RBM4B: variants seen among roughly 807,000 people sequenced by gnomAD.
The protein encoded by RBM4B is RNA binding motif protein 4B.
Under a neutral mutation model 28.5 loss-of-function variants are expected in RBM4B, and 13 were observed. The ratio of observed to expected loss-of-function variants is 0.46; its 90% CI spans 0.30 to 0.72. The LOEUF (loss-of-function observed/expected upper bound fraction) is 0.72. RBM4B is among the 30% of genes least tolerant of loss of function. RBM4B has a pLI of 0.09. For synonymous variants in RBM4B, 167 were observed against 179.1 expected (o/e 0.93, Z 0.54); for missense variants, 387 against 477.6 (o/e 0.81, Z 1.77).
At position 66,665,181 on chromosome 11, in the gene RBM4B, T is replaced by G. The variant is rs1389633425; in HGVS notation, c.*407A>C. On this transcript the variant is annotated 3_prime_UTR_variant, in exon 4 of 4. Coordinates refer to ENST00000310046, the MANE Select transcript of RBM4B (RefSeq NM_031492.4). ...AGAAGAGTAACTTAAGTGTTAAGAG[T>G]CCAGAGCTAACAGAAGAGTAAAAGG... 2 of 206,182 alleles carry G rather than the reference T, an allele frequency of 9.7e-6. No homozygotes were observed. Among genetic ancestry groups the G allele is most frequent in the Non-Finnish European group, 2.0e-5 (2 of 101,882 alleles). 12.8% of individuals were successfully genotyped at this position (206,182 alleles called of 1,614,324 possible). A position where few individuals can be genotyped will look rare whatever the true frequency, so the allele number is the denominator to read the frequency against.
At position 66,668,695 on chromosome 11, in the gene RBM4B, T is replaced by C. The variant is rs1230323215; in HGVS notation, c.1009A>G (p.Asn337Asp). 6.2e-7 allele frequency: 1 copy of C among 1,614,032 alleles called. No homozygotes were observed. Among genetic ancestry groups the C allele is most frequent in the Non-Finnish European group, 8.5e-7 (1 of 1,180,034 alleles). ...ELSQASAATR[N>D]SLYDMARYER... ...TACCGGGCCATGTCATACAGAGAAT[T>C]CCGTGTAGCTGCGGAAGCCTGAGAT... Residue 337 changes from asparagine to aspartate, a missense_variant, in exon 3 of 4, where the codon AAT (asparagine) becomes GAT (aspartate). Physicochemically the swap from Asn to Asp is conservative, Grantham distance 23. Coordinates refer to ENST00000310046, the MANE Select transcript of RBM4B (RefSeq NM_031492.4).
At chr11:66,668,337 C>A in intron 3 of RBM4B, 1 of 345,526 alleles carries the variant, frequency 2.9e-6, no homozygotes, top group Non-Finnish European at 5.3e-6. Context: ...TTTCTGTAAC[C>A]CAAATATGCT....
intron 2 of RBM4B, among the ~76,000 whole-genome samples, chr11:66,673,987 C>G (rs1320601272): frequency 6.6e-6 from 1 of 152,110 alleles, no homozygotes; most frequent in Non-Finnish European, 1.5e-5. Flanking sequence ...AAGTTAAGAA[C>G]ATGAAAACCA....
chr11:66,667,325 T>C (rs1939273866), intron 3 of RBM4B: 1 of 152,204 alleles, frequency 6.6e-6, no homozygotes, highest in Non-Finnish European at 1.5e-5. Context: ...ATAGTAAAAT[T>C]TCAGAGCCTA....
intron 2 of RBM4B, 60 bp downstream of exon 2, chr11:66,676,608 T>C: frequency 6.4e-7 from 1 of 1,574,730 alleles, no homozygotes; most frequent in Non-Finnish European, 8.7e-7. Flanking sequence ...AGTCTTGTGT[T>C]CTTGCCTGTT....
intron 2 of RBM4B, among the ~76,000 whole-genome samples, chr11:66,674,115 C>A (rs1019160484): frequency 2.0e-5 from 3 of 151,634 alleles, no homozygotes; most frequent in African/African-American, 7.3e-5. Context: ...GTAATTATAC[C>A]TGCCTTATTA....
intron 2 of RBM4B, among the ~76,000 whole-genome samples, chr11:66,673,327 G>GAAAA (rs955973384): frequency 2.0e-5 from 3 of 152,206 alleles, no homozygotes; most frequent in Non-Finnish European, 4.4e-5. Context: ...CTGTAAAAAG[G>GAAAA]AAACAGATCC....
intron 3 of RBM4B, 177 bp from the exon 4 acceptor site, chr11:66,665,755 C>A: frequency 7.7e-7 from 1 of 1,300,782 alleles, no homozygotes; most frequent in Non-Finnish European, 1.0e-6. Flanking sequence ...CTATCAATAG[C>A]TATATATAGG....
At chr11:66,665,796 G>A (rs1819979283) in intron 3 of RBM4B, 12 of 1,425,200 alleles carry the variant, frequency 8.4e-6, no homozygotes, top group Non-Finnish European at 1.1e-5. Context: ...TATAGGACAA[G>A]ATGCAATCTA....
chr11:66,667,380 A>T (rs1053106134), intron 3 of RBM4B: 1 of 152,170 alleles, frequency 6.6e-6, no homozygotes, highest in African/African-American at 2.4e-5. Flanking sequence ...CACATCTGAA[A>T]ATTACCAGTT....
intron 3 of RBM4B, chr11:66,668,381 C>T (rs1939324868): frequency 2.1e-6 from 1 of 472,062 alleles, no homozygotes; most frequent in African/African-American, 1.9e-5. Flanking sequence ...CACTAACAAA[C>T]TGAATTTGTT....
At chr11:66,668,449 A>G (rs778319200) in intron 3 of RBM4B, 166 bp downstream of exon 3, 181 of 588,002 alleles carry the variant, frequency 3.1e-4, no homozygotes, top group Non-Finnish European at 5.1e-4. Flanking sequence ...GACAGGCCAA[A>G]TGGAACTTGT....
At chr11:66,669,963 TCAAC>T (rs1370652639) in intron 2 of RBM4B, among the ~76,000 whole-genome samples, 1 of 152,232 alleles carries the variant, frequency 6.6e-6, no homozygotes, top group African/African-American at 2.4e-5. Context: ...ACTTCCAAAA[TCAAC>T]CAACAAAACC....
intron 2 of RBM4B, chr11:66,671,024 T>G: frequency 1.4e-6 from 1 of 702,588 alleles, no homozygotes; most frequent in East Asian, 2.7e-5. Flanking sequence ...GCCAGAACAG[T>G]GCCATGCACT....
intron 3 of RBM4B, 139 bp from the exon 4 acceptor site, chr11:66,665,717 C>A: frequency 7.1e-7 from 1 of 1,416,606 alleles, no homozygotes; most frequent in Non-Finnish European, 9.5e-7. Flanking sequence ...CTGGATCTAA[C>A]TCATATCCCA....
intron 2 of RBM4B, 120 bp from the exon 3 acceptor site, chr11:66,669,411 T>C (rs1939385036): frequency 1.1e-6 from 1 of 926,724 alleles, no homozygotes; most frequent in African/African-American, 1.7e-5. Flanking sequence ...CCTGTGACCC[T>C]ATTTCAGCAA....
Position 66,665,583 on chromosome 11 carries a change from AAGAG to A in RBM4B, c.*10-9_*10-6del. 1.3e-6 allele frequency: 2 copies of A among 1,535,960 alleles called. No homozygotes were observed. The highest frequency in any genetic ancestry group is 1.7e-6 in the Non-Finnish European group (2 of 1,146,830). ...TTCAGTCCGCAATTATCCTACCTGA[AAGAG>A]AGCACAACACAAGAGGCTTACACAA... On this transcript the variant is annotated splice_polypyrimidine_tract_variant and splice_region_variant and intron_variant, in intron 3 of 3. Coordinates refer to ENST00000310046, the MANE Select transcript of RBM4B (RefSeq NM_031492.4).
intron 2 of RBM4B, chr11:66,675,926 CTT>C (rs1240197420): frequency 6.6e-6 from 1 of 152,232 alleles, no homozygotes; most frequent in Admixed American, 6.5e-5. Flanking sequence ...CTGACAACCT[CTT>C]GTGGTATTAA....
intron 3 of RBM4B, chr11:66,666,065 T>G: frequency 6.5e-6 from 7 of 1,077,940 alleles, no homozygotes; most frequent in Non-Finnish European, 9.1e-6. Context: ...GGGTAGGATA[T>G]CAAGGAGCAG....
Sources: allele counts gnomAD v4.1 joint callset (sites outside exome capture counted in the v4.1 genomes callset), GRCh38; gene constraint gnomAD v4.1.1; transcripts MANE v1.5; gene names NCBI Gene and HGNC (gene_info 2026-07-23, HGNC 2026-07-21).